LRP1B: variants seen among roughly 807,000 people sequenced by gnomAD.
The protein encoded by LRP1B is LDL receptor related protein 1B.
Under a neutral mutation model 556.6 loss-of-function variants are expected in LRP1B, and 217 were observed. The observed-to-expected ratio is 0.39, with a 90% CI of 0.35 to 0.44. The LOEUF is 0.44. LRP1B is among the 20% of genes least tolerant of loss of function. The pLI is 1.00. For synonymous variants in LRP1B, 2,047 were observed against 1,865.8 expected, an observed-to-expected ratio of 1.10 and a Z score of -2.50; for missense variants, 5,053 against 5,620.8, an observed-to-expected ratio of 0.90 and a Z score of 3.23.
chr2:140,294,087 TA>T lies in LRP1B; in HGVS notation c.12967+3720del, dbSNP rs540288025. ...TTCTTTGGAAGGATCCAAACTGCTATACAAACTATGGCCACATAATATTTTT... is the reference window on the plus strand; with the variant it reads ...TTCTTTGGAAGGATCCAAACTGCTATCAAACTATGGCCACATAATATTTTT... On this transcript the variant is annotated intron_variant, in intron 84 of 90. Coordinates refer to ENST00000389484, the MANE Select transcript of LRP1B (RefSeq NM_018557.3). Among the ~76,000 whole-genome samples, 28 of 152,318 alleles carry T rather than the reference TA, an allele frequency of 1.8e-4. No homozygotes were observed. The South Asian group carries it at 5.6e-3, about 30-fold the overall frequency.
At chr2:140,815,716 A>G (rs1451719928) in intron 31 of LRP1B, among the ~76,000 whole-genome samples, 1 of 152,176 alleles carries the variant, frequency 6.6e-6, no homozygotes, top group East Asian at 1.9e-4. Context: ...TGATTCTACA[A>G]TATAAAGTTT....
At chr2:141,618,429 T>C (rs1321043152) in intron 2 of LRP1B, among the ~76,000 whole-genome samples, 1 of 152,214 alleles carries the variant, frequency 6.6e-6, no homozygotes, top group Admixed American at 6.5e-5. Flanking sequence ...TATTCACTTA[T>C]TCTTTCATTT....
intron 1 of LRP1B, among the ~76,000 whole-genome samples, chr2:141,931,683 C>G (rs1700511328): frequency 6.6e-6 from 1 of 151,528 alleles, no homozygotes; most frequent in Admixed American, 6.6e-5. Context: ...ACATTTGGGG[C>G]CTATTTATGT....
chr2:141,378,317 A>G (rs1285763930), intron 3 of LRP1B, among the ~76,000 whole-genome samples: 1 of 152,232 alleles, frequency 6.6e-6, no homozygotes, highest in Non-Finnish European at 1.5e-5. Flanking sequence ...AAATTCTCAA[A>G]TATACTAAAA....
intron 2 of LRP1B, among the ~76,000 whole-genome samples, chr2:141,714,292 A>C (rs1283361865): frequency 6.6e-6 from 1 of 152,154 alleles, no homozygotes; most frequent in Non-Finnish European, 1.5e-5. Context: ...CATCTGTCAA[A>C]TGACTAGATG....
intron 41 of LRP1B, among the ~76,000 whole-genome samples, chr2:140,676,168 G>A (rs1361743382): frequency 6.6e-6 from 1 of 152,100 alleles, no homozygotes; most frequent in African/African-American, 2.4e-5. Flanking sequence ...GAGTTCACAA[G>A]TATAAAAAAT....
intron 41 of LRP1B, among the ~76,000 whole-genome samples, chr2:140,613,228 A>G (rs1197634367): frequency 6.9e-6 from 1 of 145,182 alleles, no homozygotes; most frequent in Non-Finnish European, 1.5e-5. Context: ...TTATATAAAT[A>G]TATATATATT....
At chr2:140,723,159 T>C (rs1179470686) in intron 35 of LRP1B, among the ~76,000 whole-genome samples, 2 of 152,202 alleles carry the variant, frequency 1.3e-5, no homozygotes, top group African/African-American at 4.8e-5. Context: ...GCTTTTTTGA[T>C]GAGTCTTTTA....
intron 18 of LRP1B, among the ~76,000 whole-genome samples, chr2:140,966,741 C>T (rs112277530): frequency 2.6e-5 from 4 of 152,164 alleles, no homozygotes; most frequent in East Asian, 1.9e-4. Flanking sequence ...GAAGGGATCC[C>T]GTTTCAGCTT....
intron 3 of LRP1B, among the ~76,000 whole-genome samples, chr2:141,450,151 G>A (rs900689213): frequency 1.3e-5 from 2 of 152,158 alleles, no homozygotes; most frequent in Admixed American, 6.6e-5. Flanking sequence ...GGGAGAAAGA[G>A]ATAGGGAGAT....
At chr2:142,101,307 G>A (rs1706560280) in intron 1 of LRP1B, among the ~76,000 whole-genome samples, 1 of 151,934 alleles carries the variant, frequency 6.6e-6, no homozygotes, top group Non-Finnish European at 1.5e-5. Flanking sequence ...TTTGGGAAAA[G>A]TTTAGGTAAC....
At chr2:140,770,776 A>AT (rs538084150) in intron 34 of LRP1B, 105 bp downstream of exon 34, 1,266 of 889,024 alleles carry the variant, frequency 1.4e-3, no homozygotes, top group Non-Finnish European at 1.9e-3. Flanking sequence ...TAACTAGTTA[A>AT]TTTTTTTCTA....
chr2:140,987,652 T>TA (rs1190107004), intron 17 of LRP1B, among the ~76,000 whole-genome samples: 2 of 152,100 alleles, frequency 1.3e-5, no homozygotes, highest in African/African-American at 2.4e-5. Flanking sequence ...TTTAGGATGT[T>TA]ATAAAGCATA....
At chr2:140,366,177 G>C (rs1289459322) in intron 71 of LRP1B, among the ~76,000 whole-genome samples, 1 of 151,698 alleles carries the variant, frequency 6.6e-6, no homozygotes, top group East Asian at 1.9e-4. Flanking sequence ...AGAGGTCATG[G>C]CAATCCAGAG....
chr2:140,663,405 C>A (rs977996140), intron 41 of LRP1B, among the ~76,000 whole-genome samples: 2 of 152,170 alleles, frequency 1.3e-5, no homozygotes, highest in Admixed American at 6.6e-5. Flanking sequence ...CCAGCTTCAT[C>A]AATTATCTTA....
chr2:140,403,984 A>G (rs1228497636), intron 66 of LRP1B, among the ~76,000 whole-genome samples: 2 of 152,156 alleles, frequency 1.3e-5, no homozygotes, highest in African/African-American at 4.8e-5. Flanking sequence ...TTTAAACAGA[A>G]TAACTGTCAG....
At chr2:140,453,475 A>G (rs1454414680) in intron 62 of LRP1B, among the ~76,000 whole-genome samples, 1 of 152,044 alleles carries the variant, frequency 6.6e-6, no homozygotes, top group Non-Finnish European at 1.5e-5. Context: ...TCTAAGACTA[A>G]TATCATCATA....
intron 2 of LRP1B, chr2:141,805,901 A>G (rs1404778286): frequency 6.6e-6 from 1 of 152,098 alleles, no homozygotes; most frequent in Admixed American, 6.6e-5. Context: ...AATATTGCTT[A>G]GGACATTTTT....
intron 6 of LRP1B, among the ~76,000 whole-genome samples, chr2:141,227,057 A>C (rs916573823): frequency 6.6e-6 from 1 of 152,118 alleles, no homozygotes; most frequent in Non-Finnish European, 1.5e-5. Context: ...CAACAACAAA[A>C]TATATGTTTC....
Sources: allele counts gnomAD v4.1 joint callset (sites outside exome capture counted in the v4.1 genomes callset), GRCh38; gene constraint gnomAD v4.1.1; transcripts MANE v1.5; gene names NCBI Gene and HGNC (gene_info 2026-07-23, HGNC 2026-07-21).